Variants in OLFM2 observed in about 807,000 individuals in gnomAD.
OLFM2 encodes noelin-2.
A neutral mutation model predicts 43.9 loss-of-function variants in OLFM2; 20 were observed. That is an observed-to-expected ratio of 0.46 (90% CI 0.32 to 0.66). The LOEUF is 0.66. Ranked by LOEUF, OLFM2 falls within the 30% of genes least tolerant of loss-of-function variation. The pLI, the probability that OLFM2 is intolerant of heterozygous loss-of-function variation, is 0.04. For missense variants in OLFM2, 416 were observed against 643.6 expected, an observed-to-expected ratio of 0.65 and a Z score of 3.83; for synonymous variants, 268 against 278.6, an observed-to-expected ratio of 0.96 and a Z score of 0.38.
At chr19:9,863,212 G>A (rs2145437418) in intron 1 of OLFM2, among the ~76,000 whole-genome samples, 1 of 152,256 alleles carries the variant, frequency 6.6e-6, no homozygotes, top group Middle Eastern at 3.4e-3. Context: ...GAAACAAGGA[G>A]GAGGCCCATG....
intron 1 of OLFM2, among the ~76,000 whole-genome samples, chr19:9,904,148 T>C (rs1415807178): frequency 8.0e-6 from 1 of 125,198 alleles, no homozygotes; most frequent in Non-Finnish European, 1.7e-5. Context: ...AGGCTGAGTA[T>C]TGTTTGTGTG....
At chr19:9,890,012 G>A (rs375374302) in intron 1 of OLFM2, among the ~76,000 whole-genome samples, 39 of 152,046 alleles carry the variant, frequency 2.6e-4, no homozygotes, top group Admixed American at 1.9e-3. Flanking sequence ...AGAAGGAGGA[G>A]CCGGGAGGAG....
At chr19:9,874,583 C>T (rs965339828) in intron 1 of OLFM2, among the ~76,000 whole-genome samples, 3 of 152,040 alleles carry the variant, frequency 2.0e-5, no homozygotes, top group African/African-American at 7.2e-5. Context: ...TGGGTTCAAG[C>T]GATTCTCCTG....
At position 9,856,793 on chromosome 19, in the gene OLFM2, G is replaced by A; in HGVS notation, c.687+14C>T. On this transcript the variant is annotated intron_variant, in intron 5 of 5. Transcript: ENST00000264833. This position sits in a 1 kb window ranked among gnomAD's most constrained non-coding sequence, Gnocchi z 4.0. Reference sequence around the variant, plus strand: ...TCCCAGGCCCTGACCCCAGGGGTGGGCGCAGTCACTCACCCGGCTATCCGC... The same window carrying A: ...TCCCAGGCCCTGACCCCAGGGGTGGACGCAGTCACTCACCCGGCTATCCGC... 2 of 1,606,694 alleles carry A rather than the reference G, an allele frequency of 1.2e-6. No homozygotes were observed. The highest frequency in any genetic ancestry group is 1.3e-5 in the African/African-American group (1 of 74,902).
chr19:9,879,974 A>G (rs1252067938), intron 1 of OLFM2, among the ~76,000 whole-genome samples: 1 of 152,000 alleles, frequency 6.6e-6, no homozygotes, highest in East Asian at 1.9e-4. Flanking sequence ...ACAAGGTTTC[A>G]TCATGTTGGC....
At position 9,856,604 on chromosome 19, in the gene OLFM2, A is replaced by G. The variant is rs1044699638; in HGVS notation, c.687+203T>C. The stretch of plus-strand genomic sequence containing the variant: ...CCATTAGCCACTATACAGACACTGG[A>G]GGTCAACAGAGTGGGATTCACAAGG... On this transcript the variant is annotated intron_variant, in intron 5 of 5. Coordinates refer to ENST00000264833, the MANE Select transcript of OLFM2 (RefSeq NM_058164.4). The surrounding 1 kb of genome is among the most constrained non-coding windows in gnomAD (Gnocchi z 4.0). Among the ~76,000 whole-genome samples the G allele has an allele frequency of 6.6e-6, 1 of 152,224 alleles. No homozygotes were observed. The highest frequency in any genetic ancestry group is 2.4e-5 in the African/African-American group (1 of 41,462).
intron 1 of OLFM2, among the ~76,000 whole-genome samples, chr19:9,910,308 C>A (rs913291620): frequency 2.6e-5 from 4 of 152,180 alleles, no homozygotes; most frequent in African/African-American, 7.2e-5. Context: ...GGCCAGAATT[C>A]AAACCCAGAT....
At chr19:9,901,786 G>A (rs73018051) in intron 1 of OLFM2, among the ~76,000 whole-genome samples, 17,584 of 152,156 alleles carry the variant, frequency 0.12, 1,109 homozygotes, top group African/African-American at 0.13. Flanking sequence ...GAATTCCCAC[G>A]TTTAGGGCAC....
At chr19:9,877,831 A>T (rs8101490) in intron 1 of OLFM2, among the ~76,000 whole-genome samples, 3,184 of 149,990 alleles carry the variant, frequency 0.021, 110 homozygotes, top group African/African-American at 0.073. Context: ...GGAAAAATAA[A>T]TTTTTTTTTT....
intron 1 of OLFM2, among the ~76,000 whole-genome samples, chr19:9,914,042 A>C (rs1599497848): frequency 9.6e-6 from 1 of 104,592 alleles, no homozygotes; most frequent in South Asian, 3.4e-4. Flanking sequence ...GCGCCCCACC[A>C]CCACCGCGGT....
At chr19:9,865,501 T>C (rs1206842321) in intron 1 of OLFM2, among the ~76,000 whole-genome samples, 1 of 136,808 alleles carries the variant, frequency 7.3e-6, no homozygotes, top group Non-Finnish European at 1.6e-5. Flanking sequence ...TTTTTTTTTT[T>C]TTTTTTTTGA....
intron 1 of OLFM2, among the ~76,000 whole-genome samples, chr19:9,905,624 CA>C (rs55683294): frequency 0.07 from 5,327 of 75,684 alleles, 194 homozygotes; most frequent in African/African-American, 0.18. Flanking sequence ...GACTCCATCT[CA>C]AAAAAAAAAA....
At chr19:9,879,112 G>A (rs1403033548) in intron 1 of OLFM2, among the ~76,000 whole-genome samples, 1 of 152,102 alleles carries the variant, frequency 6.6e-6, no homozygotes, top group East Asian at 1.9e-4. Context: ...TCCTGATAAG[G>A]AGTGAGTTCT....
intron 1 of OLFM2, among the ~76,000 whole-genome samples, chr19:9,881,992 G>T (rs2046543561): frequency 6.6e-6 from 1 of 152,210 alleles, no homozygotes; most frequent in South Asian, 2.1e-4. Context: ...AACACCGTGG[G>T]AGGAGGCCGA....
At chr19:9,914,015 C>G (rs1375364470) in intron 1 of OLFM2, among the ~76,000 whole-genome samples, 1 of 150,002 alleles carries the variant, frequency 6.7e-6, no homozygotes, top group African/African-American at 2.4e-5. Context: ...GGACCTCCCC[C>G]TGGTGGCATT....
intron 1 of OLFM2, among the ~76,000 whole-genome samples, chr19:9,872,241 G>A (rs1007615929): frequency 6.6e-6 from 1 of 152,220 alleles, no homozygotes; most frequent in East Asian, 1.9e-4. Flanking sequence ...GCCAGGCGCT[G>A]TGGCTCATGC....
chr19:9,913,874 G>A, intron 1 of OLFM2: 1 of 168,062 alleles, frequency 6.0e-6, no homozygotes, highest in Non-Finnish European at 1.2e-5. Flanking sequence ...TCCGCGCCGG[G>A]CACTTCCAGC....
intron 1 of OLFM2, among the ~76,000 whole-genome samples, chr19:9,898,903 A>G (rs1279131888): frequency 1.3e-5 from 2 of 152,136 alleles, no homozygotes; most frequent in East Asian, 1.9e-4. Context: ...CCGGGAATCC[A>G]TTACCCAACC....
chr19:9,895,798 G>T (rs2046678316), intron 1 of OLFM2, among the ~76,000 whole-genome samples: 1 of 151,682 alleles, frequency 6.6e-6, no homozygotes. Context: ...ACCACACCTG[G>T]CTAATTTTTG....
Sources: allele counts gnomAD v4.1 joint callset (sites outside exome capture counted in the v4.1 genomes callset), GRCh38; gene constraint gnomAD v4.1.1; non-coding constraint Gnocchi (gnomAD v3.1); transcripts MANE v1.5; gene names NCBI Gene and HGNC (gene_info 2026-07-23, HGNC 2026-07-21).